The following TRABD2B variants were observed in gnomAD, a reference collection of about 807,000 sequenced individuals.
TRABD2B encodes metalloprotease TIKI2.
TRABD2B carries 14 observed loss-of-function variants against 40.1 expected under a neutral mutation model. That is an observed-to-expected ratio of 0.35 (90% CI 0.23 to 0.55). TRABD2B has a LOEUF of 0.55. Among genes scored for constraint, TRABD2B ranks in the 20% least tolerant of loss-of-function variants. The probability of loss-of-function intolerance (pLI) is 0.90; values close to 1 mark genes in which losing one functional copy is unlikely to be tolerated. For synonymous variants in TRABD2B, 263 were observed against 277.0 expected (o/e 0.95, Z 0.50); for missense variants, 541 against 648.6 (o/e 0.83, Z 1.80).
At chr1:47,860,903 T>C (rs1570145400) in intron 2 of TRABD2B, among the ~76,000 whole-genome samples, 1 of 152,240 alleles carries the variant, frequency 6.6e-6, no homozygotes, top group South Asian at 2.1e-4. Flanking sequence ...GTCCTTCAAC[T>C]CCCCAGCCTG....
intron 2 of TRABD2B, among the ~76,000 whole-genome samples, chr1:47,946,296 C>G (rs527518925): frequency 6.6e-6 from 1 of 152,230 alleles, no homozygotes; most frequent in African/African-American, 2.4e-5. Context: ...AGTTCTTTAT[C>G]AGATATGTAA....
At chr1:47,861,142 C>T (rs1294429780) in intron 2 of TRABD2B, among the ~76,000 whole-genome samples, 2 of 152,152 alleles carry the variant, frequency 1.3e-5, no homozygotes, top group Non-Finnish European at 2.9e-5. Context: ...CTTAGGTGAC[C>T]TCAATAATCC....
chr1:47,913,435 A>G (rs1377770156), intron 2 of TRABD2B, among the ~76,000 whole-genome samples: 4 of 152,204 alleles, frequency 2.6e-5, no homozygotes, highest in Admixed American at 2.6e-4. Flanking sequence ...CTGATGGCAG[A>G]GAGGCACCCA....
intron 2 of TRABD2B, among the ~76,000 whole-genome samples, chr1:47,962,477 C>T (rs1330874043): frequency 1.3e-5 from 2 of 152,162 alleles, no homozygotes; most frequent in African/African-American, 4.8e-5. Flanking sequence ...CATCTAGAAA[C>T]TGAGGTGTCC....
At chr1:47,772,192 C>A (rs1644385886) in intron 6 of TRABD2B, among the ~76,000 whole-genome samples, 2 of 152,096 alleles carry the variant, frequency 1.3e-5, no homozygotes, top group Non-Finnish European at 2.9e-5. Context: ...ACCTAACCTG[C>A]TGAGTCTGTT....
intron 2 of TRABD2B, among the ~76,000 whole-genome samples, chr1:47,956,777 G>A (rs4927268): frequency 0.47 from 71,601 of 152,178 alleles, 18,385 homozygotes; most frequent in Middle Eastern, 0.62. Flanking sequence ...CCACCTCTGG[G>A]GGCAGGGTAT....
At chr1:47,897,376 C>T (rs1048564756) in intron 2 of TRABD2B, among the ~76,000 whole-genome samples, 13 of 152,116 alleles carry the variant, frequency 8.5e-5, no homozygotes, top group East Asian at 5.8e-4. Flanking sequence ...ACTTCCTAGG[C>T]GGCCATAGAA....
At chr1:47,973,627 C>G (rs529109100) in intron 2 of TRABD2B, among the ~76,000 whole-genome samples, 27 of 152,294 alleles carry the variant, frequency 1.8e-4, no homozygotes, top group African/African-American at 6.0e-4. Flanking sequence ...AAGCAACCAA[C>G]AGTCATGTCT....
Position 47,765,959 on chromosome 1 carries a change from G to A in TRABD2B, c.1497C>T (p.Pro499=), listed in dbSNP as rs757389354. The change falls in exon 7 of 7, where the codon CCC becomes CCT. Residue 499 remains proline (P), a synonymous_variant. Transcript: ENST00000606738. ...AGACAGCGATGGTGGTGGCGATGGC[G>A]GGGAGAAGGCCCAGGGTGGGTGCCG... The part of the protein sequence containing the change: ...SSSAPTLGLL[P]AIATTIAVCF... The A allele has an allele frequency of 2.2e-4, 154 of 702,708 alleles. No individual in the cohort carries two copies. The highest frequency in any genetic ancestry group is 1.4e-3 in the Middle Eastern group (6 of 4,388). The allele number at this position is 702,708 out of a possible 1,614,324, so 43.5% of individuals were successfully genotyped here. A position where few individuals can be genotyped will look rare whatever the true frequency, so the allele number is the denominator to read the frequency against.
intron 2 of TRABD2B, among the ~76,000 whole-genome samples, chr1:47,891,534 T>C (rs983504350): frequency 4.6e-5 from 7 of 152,268 alleles, no homozygotes; most frequent in African/African-American, 1.2e-4. Context: ...CGGTGGTTCA[T>C]GCCTGTAACC....
intron 2 of TRABD2B, among the ~76,000 whole-genome samples, chr1:47,945,991 C>A (rs909867183): frequency 2.6e-5 from 4 of 152,124 alleles, no homozygotes; most frequent in Non-Finnish European, 5.9e-5. Flanking sequence ...GTGGTTGTAC[C>A]ATTTTGCATT....
chr1:47,775,646 C>T (rs142492137), intron 5 of TRABD2B, among the ~76,000 whole-genome samples: 2,250 of 152,258 alleles, frequency 0.015, 25 homozygotes, highest in Middle Eastern at 0.044. Context: ...GTTTAGTCGA[C>T]GGATATTTAC....
intron 2 of TRABD2B, among the ~76,000 whole-genome samples, chr1:47,910,243 G>A (rs530177300): frequency 4.6e-5 from 7 of 152,222 alleles, no homozygotes; most frequent in African/African-American, 1.4e-4. Context: ...TCATCTTATA[G>A]GTGAGGAAAC....
intron 4 of TRABD2B, among the ~76,000 whole-genome samples, chr1:47,782,378 GCTCT>G (rs1207119935): frequency 6.6e-6 from 1 of 152,090 alleles, no homozygotes; most frequent in Non-Finnish European, 1.5e-5. Context: ...TGCTCTCCTT[GCTCT>G]CTCTAGTTCA....
chr1:47,990,773 A>T (rs1189918282), intron 2 of TRABD2B, among the ~76,000 whole-genome samples: 5 of 3,058 alleles, frequency 1.6e-3, no homozygotes, highest in South Asian at 0.021. Flanking sequence ...CGTTGGTTTT[A>T]TATATATATA....
chr1:47,883,479 T>C (rs1644332087), intron 2 of TRABD2B, among the ~76,000 whole-genome samples: 1 of 152,146 alleles, frequency 6.6e-6, no homozygotes, highest in Non-Finnish European at 1.5e-5. Context: ...AAAAGAAGGC[T>C]GAGACAAGAC....
At chr1:47,869,126 T>C (rs769770186) in intron 2 of TRABD2B, among the ~76,000 whole-genome samples, 1 of 152,148 alleles carries the variant, frequency 6.6e-6, no homozygotes, top group Non-Finnish European at 1.5e-5. Context: ...TGTCATGGAA[T>C]TGTCTCTTGA....
chr1:47,963,807 A>G (rs1448919592), intron 2 of TRABD2B, among the ~76,000 whole-genome samples: 2 of 152,160 alleles, frequency 1.3e-5, no homozygotes, highest in East Asian at 3.9e-4. Flanking sequence ...TCCCAATAAC[A>G]ACAAGACAGA....
At chr1:47,908,653 T>C (rs1004961480) in intron 2 of TRABD2B, among the ~76,000 whole-genome samples, 2 of 152,360 alleles carry the variant, frequency 1.3e-5, no homozygotes, top group African/African-American at 4.8e-5. Context: ...TCTGCAGCTC[T>C]TTCTCCTCCA....
Sources: allele counts gnomAD v4.1 joint callset (sites outside exome capture counted in the v4.1 genomes callset), GRCh38; gene constraint gnomAD v4.1.1; transcripts MANE v1.5; gene names NCBI Gene and HGNC (gene_info 2026-07-23, HGNC 2026-07-21).